Variants in FERMT1 observed in about 807,000 individuals in gnomAD.
FERMT1 encodes the protein FERM domain containing kindlin 1.
Under a neutral mutation model 85.3 loss-of-function variants are expected in FERMT1, and 60 were observed. The observed-to-expected ratio is 0.70, with a 90% CI of 0.57 to 0.87. FERMT1 has a LOEUF of 0.87. Ranked by LOEUF, FERMT1 falls within the 40% of genes least tolerant of loss-of-function variation. FERMT1 has a pLI of 0.00. For synonymous variants in FERMT1, 275 were observed against 301.1 expected (o/e 0.91, Z 0.90); for missense variants, 701 against 818.9 (o/e 0.86, Z 1.76).
In FERMT1 at chr20:6,091,293, A is replaced by G. The variant is rs1173396041; in HGVS notation, c.1140-2204T>C. ...CACCCAGGCTGGAGTGCAGTGGCGC[A>G]ATCTTGTCTCACTGCAGCCTCTGTC... On this transcript the variant is annotated intron_variant, in intron 9 of 14. Transcript: ENST00000217289. Among the ~76,000 whole-genome samples, 3 of 151,710 alleles carry G rather than the reference A, an allele frequency of 2.0e-5. No individual in the cohort carries two copies. In the East Asian group the frequency reaches 5.9e-4, roughly 30 times the overall value.
chr20:6,090,251 T>C (rs1048001552), intron 9 of FERMT1, among the ~76,000 whole-genome samples: 1 of 152,028 alleles, frequency 6.6e-6, no homozygotes, highest in African/African-American at 2.4e-5. Flanking sequence ...ATTTTTGTAT[T>C]TTTAGTAGAG....
chr20:6,107,303 C>A (rs1231612421), intron 6 of FERMT1, among the ~76,000 whole-genome samples: 1 of 151,814 alleles, frequency 6.6e-6, no homozygotes, highest in African/African-American at 2.4e-5. Context: ...ACGCTAGGCG[C>A]AAAGATCCTC....
In FERMT1 at chr20:6,107,558, A is replaced by G; in HGVS notation, c.823T>C (p.Tyr275His). The G allele has an allele frequency of 6.2e-7, 1 of 1,611,990 alleles. No homozygotes were observed. Among genetic ancestry groups the G allele is most frequent in the African/African-American group, 1.3e-5 (1 of 75,010 alleles). ...TTAGGATTCAAGTCGAAGAAAGAATAATATTTAAATCGTAAGAGCAGCTGC... is the reference window on the plus strand; with the variant it reads ...TTAGGATTCAAGTCGAAGAAAGAATGATATTTAAATCGTAAGAGCAGCTGC... The part of the protein sequence containing the change: ...DEQLLLRFKY[Y>H]SFFDLNPKYD... Residue 275 changes from tyrosine to histidine, a missense_variant, in exon 6 of 15, where the codon TAT becomes CAT. Physicochemically the swap from Tyr to His is moderately conservative, Grantham distance 83. Transcript: ENST00000217289.
intron 6 of FERMT1, among the ~76,000 whole-genome samples, chr20:6,100,926 C>T (rs1982644402): frequency 6.6e-6 from 1 of 152,012 alleles, no homozygotes. Flanking sequence ...CACAGTACTC[C>T]TATAAATCAT....
chr20:6,085,097 G>A lies in FERMT1; in HGVS notation c.1562C>T (p.Pro521Leu), dbSNP rs181604705. 17 of 1,613,912 alleles carry A rather than the reference G, an allele frequency of 1.1e-5. No individual in the cohort carries two copies. In the African/African-American group the frequency reaches 2.0e-4, roughly 19 times the overall value. ...GGATTTGTGTCTTTTTGCACACCGTGGTGACACAAAACATTCTGGGTTCAT... is the reference window on the plus strand; with the variant it reads ...GGATTTGTGTCTTTTTGCACACCGTAGTGACACAAAACATTCTGGGTTCAT... ...MDMNPECFVS[P>L]RCAKRHKSKQ... The change falls in exon 12 of 15, where the codon CCA (proline) becomes CTA (leucine). Residue 521 changes from proline (P) to leucine (L), a missense_variant. Pro to Leu is a moderately conservative substitution (Grantham distance 98). Coordinates refer to ENST00000217289, the MANE Select transcript of FERMT1 (RefSeq NM_017671.5).
At chr20:6,105,366 G>A (rs1177880046) in intron 6 of FERMT1, among the ~76,000 whole-genome samples, 1 of 152,168 alleles carries the variant, frequency 6.6e-6, no homozygotes, top group African/African-American at 2.4e-5. Context: ...GCTTGTATGA[G>A]GAAACACAAC....
Position 6,119,390 on chromosome 20 carries a change from C to G in FERMT1, c.151+14G>C, listed in dbSNP as rs550355854. 3 of 1,613,710 alleles carry G rather than the reference C, an allele frequency of 1.9e-6. No individual in the cohort carries two copies. In the Admixed American group the frequency reaches 5.0e-5, roughly 27 times the overall value. On this transcript the variant is annotated intron_variant, in intron 2 of 14. Coordinates refer to ENST00000217289, the MANE Select transcript of FERMT1 (RefSeq NM_017671.5). Reference sequence around the variant, plus strand: ...TTTCTAATACAGAGAAACCGTAAAGCAAGAGTAACTTACTGATCTGTTCTA... The same window carrying G: ...TTTCTAATACAGAGAAACCGTAAAGGAAGAGTAACTTACTGATCTGTTCTA...
In FERMT1 at chr20:6,097,619, G is replaced by A. The variant is rs121918294; in HGVS notation, c.862C>T (p.Arg288Ter). ...GCTTGCTCATAGAGTTGGTTTATTC[G>A]GACAGCATCATACTAGAGACAAAAA... ...FDLNPKYDAV[R>*]INQLYEQARW... Residue 288 changes from arginine to a stop codon, truncating the protein, a stop_gained, in exon 7 of 15, where the codon CGA (arginine) becomes TGA (stop). Coordinates refer to ENST00000217289, the MANE Select transcript of FERMT1 (RefSeq NM_017671.5). LOFTEE classifies it high-confidence loss of function. 5.6e-6 allele frequency: 9 copies of A among 1,612,098 alleles called. No individual in the cohort carries two copies. Among genetic ancestry groups the A allele is most frequent in the African/African-American group, 2.7e-5 (2 of 74,782 alleles).
At chr20:6,100,588 TA>T (rs1982636184) in intron 6 of FERMT1, among the ~76,000 whole-genome samples, 2 of 152,168 alleles carry the variant, frequency 1.3e-5, no homozygotes, top group South Asian at 4.1e-4. Context: ...ATTAAACAGG[TA>T]AATGTATGGC....
At chr20:6,106,824 A>T (rs569412746) in intron 6 of FERMT1, among the ~76,000 whole-genome samples, 1 of 152,260 alleles carries the variant, frequency 6.6e-6, no homozygotes, top group South Asian at 2.1e-4. Context: ...TATGTGCACC[A>T]TCATGTGATC....
At chr20:6,121,278 C>T (rs1232705081) in intron 1 of FERMT1, among the ~76,000 whole-genome samples, 3 of 152,274 alleles carry the variant, frequency 2.0e-5, no homozygotes, top group South Asian at 2.1e-4. Context: ...TGTGCCACCA[C>T]GCCCGGTTAA....
In FERMT1 at chr20:6,110,301, G is replaced by T; in HGVS notation, c.743C>A (p.Ala248Glu). The T allele has an allele frequency of 6.2e-7, 1 of 1,610,930 alleles. No homozygotes were observed. The highest frequency in any genetic ancestry group is 8.5e-7 in the Non-Finnish European group (1 of 1,178,384). The change falls in exon 5 of 15, where the codon GCA (alanine) becomes GAA (glutamate). Residue 248 changes from alanine to glutamate, a missense_variant. Transcript: ENST00000217289. ...GTAAAAGGAGCCGTGTCCTTACCCT[G>T]CATTGAGCTTGGCTTTATCAACCAG... ...RSLVDKAKLN[A>E]GWLDSSRSLM...
rs747159883 is a variant in FERMT1, at chr20:6,079,477, T to C, written c.1819A>G (p.Thr607Ala). 2.4e-5 allele frequency: 39 copies of C among 1,614,046 alleles called. No individual in the cohort carries two copies. Among genetic ancestry groups the C allele is most frequent in the Non-Finnish European group, 3.3e-5 (39 of 1,180,006 alleles). The part of the protein sequence containing the change: ...TGIPVTTWRF[T>A]NIKQWNVNWE... ...TTTACATTCCACTGTTTGATATTTG[T>C]GAATCTCCATGTTGTCACTGGAATC... Residue 607 changes from threonine (T) to alanine (A), a missense_variant, in exon 14 of 15, where the codon ACA (threonine) becomes GCA (alanine). By Grantham distance (58) the Thr-to-Ala change is moderately conservative. Transcript: ENST00000217289.
intron 14 of FERMT1, among the ~76,000 whole-genome samples, chr20:6,079,000 G>A (rs942893655): frequency 2.6e-5 from 4 of 152,200 alleles, no homozygotes; most frequent in African/African-American, 9.6e-5. Context: ...CTCTCCAGGT[G>A]AGCAACTGAA....
intron 11 of FERMT1, 44 bp downstream of exon 11, chr20:6,087,733 T>C (rs773798505): frequency 9.4e-7 from 1 of 1,063,552 alleles, no homozygotes; most frequent in Non-Finnish European, 1.5e-6. Context: ...GCTCTTAGGC[T>C]TAGTGGAGGT....
At chr20:6,101,125 G>A (rs1279693962) in intron 6 of FERMT1, among the ~76,000 whole-genome samples, 1 of 152,162 alleles carries the variant, frequency 6.6e-6, no homozygotes, top group Admixed American at 6.5e-5. Flanking sequence ...TACAAATACT[G>A]ATAATGTTTG....
chr20:6,080,778 C>T (rs567022999), intron 13 of FERMT1, among the ~76,000 whole-genome samples: 30 of 152,184 alleles, frequency 2.0e-4, no homozygotes, highest in African/African-American at 6.0e-4. Context: ...AAGTATGTAG[C>T]GGGGAGCCAG....
chr20:6,091,930 C>T (rs964651617), intron 9 of FERMT1, among the ~76,000 whole-genome samples: 20 of 138,042 alleles, frequency 1.4e-4, no homozygotes, highest in African/African-American at 5.2e-4. Flanking sequence ...TCCAGGCTCT[C>T]GTTAGAATTT....
rs1252046008 is a variant in FERMT1 at position 6,119,540 on chromosome 20, A to C, written c.15T>G (p.Thr5=). MLSS[T]DFTFASWELV... ...GCTCCCAGGAAGCAAATGTAAAGTC[A>C]GTGGATGACAGCATTGTGGCAAATG... The change falls in exon 2 of 15, where the codon ACT becomes ACG. Residue 5 remains threonine, a synonymous_variant. Coordinates refer to ENST00000217289, the MANE Select transcript of FERMT1 (RefSeq NM_017671.5). 1.9e-6 allele frequency: 3 copies of C among 1,614,014 alleles called. No homozygotes were observed. Among genetic ancestry groups the C allele is most frequent in the Non-Finnish European group, 2.5e-6 (3 of 1,179,976 alleles).
Sources: allele counts gnomAD v4.1 joint callset (sites outside exome capture counted in the v4.1 genomes callset), GRCh38; gene constraint gnomAD v4.1.1; transcripts MANE v1.5; gene names NCBI Gene and HGNC (gene_info 2026-07-23, HGNC 2026-07-21).